The following WWOX variants were observed in gnomAD, a reference collection of about 807,000 sequenced individuals.
WWOX encodes WW domain-containing oxidoreductase.
In WWOX, 69 loss-of-function variants were observed where a neutral mutation model predicts 46.2. That is an observed-to-expected ratio of 1.49 (90% CI 1.23 to 1.82). The LOEUF is 1.82. WWOX is among the 40% of genes most tolerant of loss of function. WWOX has a pLI of 0.00. For missense variants in WWOX, 919 were observed against 542.6 expected (o/e 1.69, Z -6.89); for synonymous variants, 359 against 202.6 (o/e 1.77, Z -6.56).
chr16:79,046,986 C>T (rs925201687), intron 8 of WWOX, among the ~76,000 whole-genome samples: 1 of 152,178 alleles, frequency 6.6e-6, no homozygotes, highest in Non-Finnish European at 1.5e-5. Flanking sequence ...TACCTGACCC[C>T]GTGGTTTAAA....
chr16:78,939,940 C>G (rs542060277), intron 8 of WWOX, among the ~76,000 whole-genome samples: 1 of 152,284 alleles, frequency 6.6e-6, no homozygotes, highest in South Asian at 2.1e-4. Flanking sequence ...TCGACTGCCC[C>G]CACCCAGATA....
intron 8 of WWOX, among the ~76,000 whole-genome samples, chr16:78,771,832 A>G (rs947174190): frequency 6.6e-6 from 1 of 152,118 alleles, no homozygotes; most frequent in African/African-American, 2.4e-5. Context: ...ATCACAGCAA[A>G]GGTGAGCTTT....
chr16:78,536,741 C>T (rs796099872), intron 8 of WWOX, among the ~76,000 whole-genome samples: 17 of 151,784 alleles, frequency 1.1e-4, no homozygotes, highest in African/African-American at 2.9e-4. Flanking sequence ...AGAATGATGA[C>T]GAAGGAGGAG....
rs567496846 is a variant in WWOX, at chr16:78,702,634, A to G, written c.1056+269882A>G. Among the ~76,000 whole-genome samples the G allele has an allele frequency of 1.2e-4, 18 of 151,430 alleles. No individual in the cohort carries two copies. In the South Asian group the frequency reaches 2.7e-3, roughly 23 times the overall value. On this transcript the variant is annotated intron_variant, in intron 8 of 8. Transcript: ENST00000566780. ...TGCACCACTGTACTTCAGCCTGGGC[A>G]ACAGAGCAAGACTCTGTCTCAAAAA... is the stretch of plus-strand genomic sequence containing the variant.
At chr16:78,108,111 A>G (rs899805085) in intron 1 of WWOX, among the ~76,000 whole-genome samples, 6 of 151,554 alleles carry the variant, frequency 4.0e-5, no homozygotes, top group Non-Finnish European at 7.4e-5. Flanking sequence ...TATTTTTGGT[A>G]GAGACAGGGT....
At chr16:78,391,169 CTTCTTTTTA>C (rs138037065) in intron 6 of WWOX, among the ~76,000 whole-genome samples, 3,506 of 152,282 alleles carry the variant, frequency 0.023, 135 homozygotes, top group African/African-American at 0.08. Context: ...TCCTGGATCT[CTTCTTTTTA>C]TTCGGGTGCT....
chr16:78,886,639 C>CATATAT (rs3085495), intron 8 of WWOX, among the ~76,000 whole-genome samples: 4,208 of 144,800 alleles, frequency 0.029, 175 homozygotes, highest in African/African-American at 0.093. Context: ...CAAAGAAAAA[C>CATATAT]ATATATATAT....
intron 8 of WWOX, among the ~76,000 whole-genome samples, chr16:78,894,020 T>TCTATTATTATTATTATTATTA (rs1555561423): frequency 7.1e-6 from 1 of 140,080 alleles, no homozygotes; most frequent in Non-Finnish European, 1.5e-5. Flanking sequence ...TATTGAGGCT[T>TCTATTATTATTATTATTATTA]TTATTATTAT....
At chr16:78,766,620 G>T (rs545003543) in intron 8 of WWOX, among the ~76,000 whole-genome samples, 1 of 152,266 alleles carries the variant, frequency 6.6e-6, no homozygotes, top group South Asian at 2.1e-4. Flanking sequence ...ATGCTCAGAG[G>T]CCTTGTGAGT....
chr16:78,413,096 AT>A (rs1315292937), intron 6 of WWOX, among the ~76,000 whole-genome samples: 1 of 152,150 alleles, frequency 6.6e-6, no homozygotes, highest in Non-Finnish European at 1.5e-5. Context: ...GACAGAGCTG[AT>A]TTATCAAGAC....
chr16:78,336,083 G>T (rs1449710435), intron 5 of WWOX, among the ~76,000 whole-genome samples: 1 of 151,712 alleles, frequency 6.6e-6, no homozygotes, highest in Non-Finnish European at 1.5e-5. Flanking sequence ...CAGAGCCAGA[G>T]TCTGTCTCAA....
At chr16:79,035,576 T>C (rs1485537424) in intron 8 of WWOX, among the ~76,000 whole-genome samples, 2 of 152,054 alleles carry the variant, frequency 1.3e-5, no homozygotes, top group Non-Finnish European at 2.9e-5. Flanking sequence ...TCTCACTCTA[T>C]CATCCAGGCT....
At chr16:78,767,732 T>C (rs1453082033) in intron 8 of WWOX, among the ~76,000 whole-genome samples, 5 of 152,018 alleles carry the variant, frequency 3.3e-5, no homozygotes, top group Non-Finnish European at 5.9e-5. Context: ...CAATACTTAT[T>C]TTACTTAAAA....
intron 5 of WWOX, among the ~76,000 whole-genome samples, chr16:78,358,490 T>C (rs1314541190): frequency 1.3e-5 from 2 of 152,098 alleles, no homozygotes; most frequent in East Asian, 1.9e-4. Context: ...AAACCCTGTC[T>C]CTACTAAAAA....
intron 6 of WWOX, among the ~76,000 whole-genome samples, chr16:78,411,527 C>G (rs113331830): frequency 1.1e-4 from 16 of 152,230 alleles, no homozygotes; most frequent in East Asian, 5.8e-4. Flanking sequence ...CTGCCTGGAG[C>G]TTAAGGAGAA....
chr16:78,611,952 G>C (rs190044082), intron 8 of WWOX, among the ~76,000 whole-genome samples: 1 of 152,192 alleles, frequency 6.6e-6, no homozygotes, highest in Non-Finnish European at 1.5e-5. Flanking sequence ...GGGTAGCAAA[G>C]AACAGAACAG....
At chr16:78,725,250 C>T (rs192435411) in intron 8 of WWOX, among the ~76,000 whole-genome samples, 119 of 151,686 alleles carry the variant, frequency 7.8e-4, no homozygotes, top group African/African-American at 2.8e-3. Flanking sequence ...TCCCCAGCCA[C>T]GTGAAATTGT....
intron 3 of WWOX, among the ~76,000 whole-genome samples, chr16:78,112,574 A>G (rs1316192175): frequency 6.6e-6 from 1 of 151,616 alleles, no homozygotes. Flanking sequence ...GGGAGTGCCT[A>G]TTATTTGTTA....
chr16:78,413,228 A>G (rs1309745909), intron 6 of WWOX, among the ~76,000 whole-genome samples: 1 of 152,156 alleles, frequency 6.6e-6, no homozygotes, highest in Non-Finnish European at 1.5e-5. Context: ...TTAAGGAGAA[A>G]TGTGGTGGAT....
Sources: allele counts gnomAD v4.1 joint callset (sites outside exome capture counted in the v4.1 genomes callset), GRCh38; gene constraint gnomAD v4.1.1; transcripts MANE v1.5; gene names NCBI Gene and HGNC (gene_info 2026-07-23, HGNC 2026-07-21).